PLAA: variants seen among roughly 807,000 people sequenced by gnomAD.
PLAA encodes the protein phospholipase A-2-activating protein.
In PLAA, 48 loss-of-function variants were observed where a neutral mutation model predicts 84.1. That is an observed-to-expected ratio of 0.57 (90% CI 0.45 to 0.73). The LOEUF (loss-of-function observed/expected upper bound fraction) is 0.73, where lower values mean the gene tolerates loss of function less well. PLAA is among the 30% of genes least tolerant of loss of function. The pLI, the probability that PLAA is intolerant of heterozygous loss-of-function variation, is 0.00. For synonymous variants in PLAA, 392 were observed against 336.6 expected (o/e 1.16, Z -1.80); for missense variants, 903 against 954.7 (o/e 0.95, Z 0.71).
chr9:26,936,771 C>T (rs747150664), intron 1 of PLAA, among the ~76,000 whole-genome samples: 70 of 152,138 alleles, frequency 4.6e-4, no homozygotes, highest in Admixed American at 4.6e-4. Context: ...AGGCAGGCAG[C>T]CATTGTTGTT....
At chr9:26,946,492 G>A (rs1354823032) in intron 1 of PLAA, among the ~76,000 whole-genome samples, 2 of 142,616 alleles carry the variant, frequency 1.4e-5, no homozygotes, top group African/African-American at 5.2e-5. Flanking sequence ...TTTTACAGAA[G>A]ACTACAGAGC....
rs935425127 is a variant in PLAA, at chr9:26,913,522, A to T, written c.1555+357T>A. On this transcript the variant is annotated intron_variant, in intron 11 of 13. Coordinates refer to ENST00000397292, the MANE Select transcript of PLAA (RefSeq NM_001031689.3). ...AAACACAGACTTTGTAAGAGTAGTGAGGAAAGCAGATTTACGACAGTAAAA... is the reference window on the plus strand; with the variant it reads ...AAACACAGACTTTGTAAGAGTAGTGTGGAAAGCAGATTTACGACAGTAAAA... Among the ~76,000 whole-genome samples, 64 of 152,232 alleles carry T rather than the reference A, an allele frequency of 4.2e-4. 3 individuals are homozygous for T. Among genetic ancestry groups the T allele is most frequent in the Non-Finnish European group, 4.4e-5 (3 of 68,040 alleles).
chr9:26,927,114 T>A (rs1010135046), intron 4 of PLAA, among the ~76,000 whole-genome samples: 1 of 141,916 alleles, frequency 7.0e-6, no homozygotes, highest in Non-Finnish European at 1.5e-5. Flanking sequence ...CAAAAGATAC[T>A]TTTTTTGTTT....
intron 2 of PLAA, among the ~76,000 whole-genome samples, chr9:26,933,531 G>A (rs1183754839): frequency 6.6e-6 from 1 of 151,950 alleles, no homozygotes; most frequent in Non-Finnish European, 1.5e-5. Flanking sequence ...GCTCACGCCT[G>A]TAATCCCAGC....
chr9:26,912,964 T>C (rs554880431), intron 11 of PLAA, among the ~76,000 whole-genome samples: 2 of 152,272 alleles, frequency 1.3e-5, no homozygotes, highest in East Asian at 1.9e-4. Context: ...AGTGTGCGCA[T>C]GTAAACCCAA....
rs1825031947 is a variant in PLAA, at chr9:26,927,978, A to T, written c.565+122T>A. The T allele has an allele frequency of 8.1e-6, 9 of 1,113,660 alleles. No individual in the cohort carries two copies. In the Middle Eastern group the frequency reaches 8.1e-4, roughly 100 times the overall value. 69.0% of individuals were successfully genotyped at this position (1,113,660 alleles called of 1,614,324 possible). ...CTCATCAGAAAAATTACATTAACTC[A>T]AATTAATAGCTTAAATATACTAATG... On this transcript the variant is annotated intron_variant, in intron 4 of 13. Coordinates refer to ENST00000397292, the MANE Select transcript of PLAA (RefSeq NM_001031689.3).
chr9:26,945,139 AT>A (rs1004148187), intron 1 of PLAA, among the ~76,000 whole-genome samples: 1 of 152,218 alleles, frequency 6.6e-6, no homozygotes, highest in African/African-American at 2.4e-5. Flanking sequence ...AAAAAAAAAA[AT>A]CAATAGTTCA....
chr9:26,923,223 T>C lies in PLAA; in HGVS notation c.994A>G (p.Ile332Val). The change falls in exon 7 of 14, where the codon ATC becomes GTC. Residue 332 changes from isoleucine to valine, a missense_variant. Coordinates refer to ENST00000397292, the MANE Select transcript of PLAA (RefSeq NM_001031689.3). ...IDSKTGDLGD[I>V]NAEQLPGREH... ...CTCCCAGGAAGCTGCTCAGCATTGA[T>C]GTCCCCTAAATCGCCAGTTTTAGAA... 1 of 1,613,016 alleles carries C rather than the reference T, an allele frequency of 6.2e-7. No individual in the cohort carries two copies. Among genetic ancestry groups the C allele is most frequent in the Non-Finnish European group, 8.5e-7 (1 of 1,179,262 alleles).
intron 10 of PLAA, chr9:26,915,822 G>A: frequency 1.0e-6 from 1 of 985,322 alleles, no homozygotes; most frequent in Non-Finnish European, 1.2e-6. Flanking sequence ...GGTATTAGTT[G>A]AAGCTTGATA....
chr9:26,934,897 C>A, intron 2 of PLAA, 116 bp downstream of exon 2: 1 of 754,216 alleles, frequency 1.3e-6, no homozygotes, highest in Non-Finnish European at 2.1e-6. Context: ...CATTACCAAA[C>A]CACAGATATA....
intron 10 of PLAA, chr9:26,915,828 T>A (rs565086258): frequency 3.0e-6 from 3 of 985,288 alleles, no homozygotes; most frequent in Non-Finnish European, 3.6e-6. Flanking sequence ...AGTTGAAGCT[T>A]GATATGTTCT....
intron 1 of PLAA, 41 bp from the exon 2 acceptor site, chr9:26,935,247 T>A (rs1825322438): frequency 1.5e-6 from 2 of 1,332,390 alleles, no homozygotes. Flanking sequence ...ATTCGTACCC[T>A]GACTTAGCCT....
At chr9:26,942,227 G>C (rs1443674989) in intron 1 of PLAA, among the ~76,000 whole-genome samples, 1 of 152,110 alleles carries the variant, frequency 6.6e-6, no homozygotes, top group Non-Finnish European at 1.5e-5. Flanking sequence ...CAACAAGGAA[G>C]AAAACCAACC....
chr9:26,907,618 G>A, intron 13 of PLAA: 2 of 488,290 alleles, frequency 4.1e-6, no homozygotes, highest in Non-Finnish European at 7.1e-6. Flanking sequence ...GCATATATGG[G>A]GATCATATAT....
intron 6 of PLAA, among the ~76,000 whole-genome samples, chr9:26,924,632 TCAAA>T (rs1587168617): frequency 6.6e-6 from 1 of 152,210 alleles, no homozygotes; most frequent in South Asian, 2.1e-4. Flanking sequence ...CTTTGACTCC[TCAAA>T]CACTTTTGAC....
chr9:26,915,719 T>G (rs1824528888), intron 10 of PLAA: 1 of 985,046 alleles, frequency 1.0e-6, no homozygotes, highest in Non-Finnish European at 1.2e-6. Flanking sequence ...CTTGCATATC[T>G]ACATAATTAC....
rs1409739163 is a variant in PLAA, at chr9:26,907,829, T to C, written c.1822+5A>G. ...TGGTTACATTTTTGAAGAGTGTTTA[T>C]TTACCTTCAGGACAGTTAATAGCTT... is the stretch of plus-strand genomic sequence containing the variant. On this transcript the variant is annotated splice_donor_5th_base_variant and intron_variant, in intron 13 of 13. Transcript: ENST00000397292. 1.3e-6 allele frequency: 2 copies of C among 1,592,340 alleles called. No homozygotes were observed. The highest frequency in any genetic ancestry group is 3.8e-5 in the Admixed American group (2 of 53,202).
At chr9:26,944,354 G>A (rs1261394328) in intron 1 of PLAA, among the ~76,000 whole-genome samples, 1 of 152,106 alleles carries the variant, frequency 6.6e-6, no homozygotes, top group Non-Finnish European at 1.5e-5. Flanking sequence ...CAAAAGAGAA[G>A]ACATGTATCA....
chr9:26,912,715 G>C (rs1052514223), intron 11 of PLAA, among the ~76,000 whole-genome samples: 1 of 152,034 alleles, frequency 6.6e-6, no homozygotes, highest in Non-Finnish European at 1.5e-5. Flanking sequence ...CTTAATTCTA[G>C]GAAGTAGATA....
Sources: allele counts gnomAD v4.1 joint callset (sites outside exome capture counted in the v4.1 genomes callset), GRCh38; gene constraint gnomAD v4.1.1; transcripts MANE v1.5; gene names NCBI Gene and HGNC (gene_info 2026-07-23, HGNC 2026-07-21).